Variants in FOXN3 observed in about 807,000 individuals in gnomAD.
FOXN3 encodes the protein forkhead box N3, also known as forkhead box protein N3.
In FOXN3, 7 loss-of-function variants were observed where a neutral mutation model predicts 38.4. That is an observed-to-expected ratio of 0.18 (90% CI 0.10 to 0.34). FOXN3 has a LOEUF of 0.34. Among genes scored for constraint, FOXN3 ranks in the 10% least tolerant of loss-of-function variants. The pLI, the probability that FOXN3 is intolerant of heterozygous loss-of-function variation, is 1.00. For synonymous variants in FOXN3, 230 were observed against 242.2 expected (o/e 0.95, Z 0.47); for missense variants, 456 against 613.4 (o/e 0.74, Z 2.71).
At chr14:89,319,767 C>A (rs1307996342) in intron 3 of FOXN3, among the ~76,000 whole-genome samples, 1 of 152,172 alleles carries the variant, frequency 6.6e-6, no homozygotes, top group East Asian at 1.9e-4. Flanking sequence ...GTCTTACACG[C>A]AACATCCAAG....
chr14:89,253,383 G>A (rs752595649), intron 4 of FOXN3, among the ~76,000 whole-genome samples: 2 of 152,136 alleles, frequency 1.3e-5, no homozygotes, highest in African/African-American at 2.4e-5. Flanking sequence ...GCCTCAAGGT[G>A]GAGATTCGGT....
At position 89,162,251 on chromosome 14, in the gene FOXN3, G is replaced by C. The variant is rs1467828549; in HGVS notation, c.*163C>G. On this transcript the variant is annotated 3_prime_UTR_variant, in exon 6 of 6. Transcript: ENST00000557258. This position sits in a 1 kb window ranked among gnomAD's most constrained non-coding sequence, Gnocchi z 7.2. ...TCTTAAGGGTCCAAAACAAAGAAGAGGGGGCAAATTAAAACAAAATAAAAG... is the reference window on the plus strand; with the variant it reads ...TCTTAAGGGTCCAAAACAAAGAAGACGGGGCAAATTAAAACAAAATAAAAG... 1 of 575,404 alleles carries C rather than the reference G, an allele frequency of 1.7e-6. No individual in the cohort carries two copies. Among genetic ancestry groups the C allele is most frequent in the African/African-American group, 1.9e-5 (1 of 52,078 alleles). 35.6% of individuals were successfully genotyped at this position (575,404 alleles called of 1,614,324 possible).
rs1331244617 is a variant in FOXN3 at position 89,164,488 on chromosome 14, A to C, written c.852-1519T>G. On this transcript the variant is annotated intron_variant, in intron 5 of 5. Coordinates refer to ENST00000557258, the MANE Select transcript of FOXN3 (RefSeq NM_005197.4). The surrounding 1 kb of genome is among the most constrained non-coding windows in gnomAD (Gnocchi z 4.3). ...CTGTAAGTACTCTTACATCCCCTCC[A>C]TAGAGGGCACTCCCCACCATCATTA... Among the ~76,000 whole-genome samples, 1 of 152,086 alleles carries C rather than the reference A, an allele frequency of 6.6e-6. No individual in the cohort carries two copies. Among genetic ancestry groups the C allele is most frequent in the African/African-American group, 2.4e-5 (1 of 41,388 alleles).
rs1420408543 is a variant in FOXN3, at chr14:89,404,275, C to T, written c.543+7659G>A. Reference sequence around the variant, plus strand: ...CTGTAATCTCAGCACTTTGGGAGGCCGAGGCGGGCAGATCACAAGGTCAGG... The same window carrying T: ...CTGTAATCTCAGCACTTTGGGAGGCTGAGGCGGGCAGATCACAAGGTCAGG... On this transcript the variant is annotated intron_variant, in intron 2 of 5. Transcript: ENST00000557258. Among the ~76,000 whole-genome samples the T allele has an allele frequency of 3.3e-5, 5 of 151,484 alleles. No homozygotes were observed. In the South Asian group the frequency reaches 1.0e-3, roughly 32 times the overall value.
chr14:89,263,093 C>T (rs1315056828), intron 4 of FOXN3, among the ~76,000 whole-genome samples: 1 of 152,156 alleles, frequency 6.6e-6, no homozygotes, highest in Admixed American at 6.5e-5. Context: ...AAAACGCTTG[C>T]TATGAAGTTT....
chr14:89,532,483 C>A (rs990348366), intron 1 of FOXN3, among the ~76,000 whole-genome samples: 6 of 151,942 alleles, frequency 3.9e-5, no homozygotes, highest in Admixed American at 2.0e-4. Context: ...TTTTTAAAAC[C>A]CTCTTCCCTC....
intron 1 of FOXN3, among the ~76,000 whole-genome samples, chr14:89,547,357 C>T (rs193242011): frequency 2.0e-5 from 3 of 152,190 alleles, no homozygotes; most frequent in East Asian, 1.9e-4. Context: ...CAGGTTCAAG[C>T]GATTCTCCTG....
At chr14:89,254,804 A>G (rs551273253) in intron 4 of FOXN3, among the ~76,000 whole-genome samples, 22 of 151,828 alleles carry the variant, frequency 1.4e-4, no homozygotes, top group African/African-American at 4.6e-4. Context: ...TACTAGTCCT[A>G]CTCACCTTTT....
At chr14:89,385,818 G>A (rs1036993552) in intron 2 of FOXN3, among the ~76,000 whole-genome samples, 2 of 152,200 alleles carry the variant, frequency 1.3e-5, no homozygotes, top group Non-Finnish European at 2.9e-5. Flanking sequence ...AAAAAACAAG[G>A]AGTTGGCTAA....
At chr14:89,523,234 G>A (rs924806056) in intron 1 of FOXN3, among the ~76,000 whole-genome samples, 10 of 152,026 alleles carry the variant, frequency 6.6e-5, no homozygotes, top group African/African-American at 9.7e-5. Context: ...ATAGAACATC[G>A]AGGAAAAACA....
intron 4 of FOXN3, among the ~76,000 whole-genome samples, chr14:89,235,141 T>G (rs1351582305): frequency 6.6e-6 from 1 of 152,206 alleles, no homozygotes; most frequent in South Asian, 2.1e-4. Flanking sequence ...ACTGTAAGTA[T>G]GTGCTAAAGT....
chr14:89,437,838 G>T (rs1040563550), intron 1 of FOXN3, among the ~76,000 whole-genome samples: 1 of 152,144 alleles, frequency 6.6e-6, no homozygotes, highest in Non-Finnish European at 1.5e-5. Context: ...TCTTGTGCAA[G>T]ATCCAAGGAC....
At chr14:89,248,342 C>T (rs1020106255) in intron 4 of FOXN3, among the ~76,000 whole-genome samples, 1 of 152,204 alleles carries the variant, frequency 6.6e-6, no homozygotes, top group Non-Finnish European at 1.5e-5. Flanking sequence ...ACTTTTGCAT[C>T]TTAGTATTGT....
intron 1 of FOXN3, among the ~76,000 whole-genome samples, chr14:89,415,735 T>C (rs759467954): frequency 7.2e-4 from 107 of 149,266 alleles, no homozygotes; most frequent in South Asian, 1.5e-3. Context: ...AAAAAAAGAA[T>C]CTGGATCATG....
chr14:89,481,015 T>C (rs1893315043), intron 1 of FOXN3, among the ~76,000 whole-genome samples: 1 of 151,884 alleles, frequency 6.6e-6, no homozygotes. Context: ...GGAATTGCAA[T>C]ACAGACTCCT....
At chr14:89,326,845 T>C (rs1314097263) in intron 3 of FOXN3, among the ~76,000 whole-genome samples, 2 of 152,168 alleles carry the variant, frequency 1.3e-5, no homozygotes, top group Non-Finnish European at 2.9e-5. Flanking sequence ...GTAGGAAGAA[T>C]AGAGAACCAT....
chr14:89,275,958 T>C (rs192850181), intron 4 of FOXN3, among the ~76,000 whole-genome samples: 2 of 152,278 alleles, frequency 1.3e-5, no homozygotes, highest in African/African-American at 2.4e-5. Flanking sequence ...TCCATTACAT[T>C]AGCTCGTCCA....
chr14:89,227,930 G>A (rs948205272), intron 4 of FOXN3, among the ~76,000 whole-genome samples: 12 of 152,148 alleles, frequency 7.9e-5, no homozygotes, highest in South Asian at 2.1e-4. Context: ...CCAAGCTTTT[G>A]TAGAGATGGG....
chr14:89,276,236 A>G (rs1886296240), intron 4 of FOXN3, among the ~76,000 whole-genome samples: 2 of 152,176 alleles, frequency 1.3e-5, no homozygotes, highest in Non-Finnish European at 2.9e-5. Context: ...CCAAGATCAC[A>G]CCACTTGCAC....
Sources: allele counts gnomAD v4.1 joint callset (sites outside exome capture counted in the v4.1 genomes callset), GRCh38; gene constraint gnomAD v4.1.1; non-coding constraint Gnocchi (gnomAD v3.1); transcripts MANE v1.5; gene names NCBI Gene and HGNC (gene_info 2026-07-23, HGNC 2026-07-21).